Variants in MARS1 observed in about 807,000 individuals in gnomAD.
MARS1 encodes the protein methionyl-tRNA synthetase 1.
In MARS1, 80 loss-of-function variants were observed where a neutral mutation model predicts 119.5. The observed-to-expected ratio is 0.67, with a 90% CI of 0.56 to 0.81. MARS1 has a LOEUF of 0.81. MARS1 is among the 30% of genes least tolerant of loss of function. The pLI, the probability that MARS1 is intolerant of heterozygous loss-of-function variation, is 0.00. For synonymous variants in MARS1, 418 were observed against 433.4 expected (o/e 0.96, Z 0.44); for missense variants, 945 against 1,116.5 (o/e 0.85, Z 2.19).
chr12:57,503,980 A>G, intron 10 of MARS1: 1 of 534,928 alleles, frequency 1.9e-6, no homozygotes. Context: ...CTATGTTCAG[A>G]GAATGTTTTT....
At chr12:57,493,825 T>TAC (rs1876377825) in intron 7 of MARS1, among the ~76,000 whole-genome samples, 8 of 1,118 alleles carry the variant, frequency 7.2e-3, no homozygotes, top group Non-Finnish European at 0.031. Flanking sequence ...TTATATATAT[T>TAC]ATATTATATA....
chr12:57,500,597 T>C (rs1876875758), intron 10 of MARS1, 75 bp downstream of exon 10: 2 of 1,423,106 alleles, frequency 1.4e-6, no homozygotes, highest in South Asian at 2.4e-5. Flanking sequence ...CTGTCCCATT[T>C]AGGATTTTTA....
intron 7 of MARS1, among the ~76,000 whole-genome samples, chr12:57,495,763 C>T (rs1876589993): frequency 6.6e-6 from 1 of 152,220 alleles, no homozygotes; most frequent in African/African-American, 2.4e-5. Flanking sequence ...CCTCAGGAGG[C>T]CCAGGCGGGC....
Position 57,504,150 on chromosome 12 carries a change from C to T in MARS1, c.1294-75C>T, listed in dbSNP as rs1215138805. On this transcript the variant is annotated intron_variant, in intron 10 of 20. Coordinates refer to ENST00000262027, the MANE Select transcript of MARS1 (RefSeq NM_004990.4). The stretch of plus-strand genomic sequence containing the variant: ...ATGGCAGACTGAGGAGCTAATCCTT[C>T]TCTGCTCCTCCCCTTGCCTGGACCC... 7 of 982,520 alleles carry T rather than the reference C, an allele frequency of 7.1e-6. No individual in the cohort carries two copies. In the East Asian group the frequency reaches 1.4e-4, roughly 20 times the overall value. 60.9% of individuals were successfully genotyped at this position (982,520 alleles called of 1,614,324 possible).
chr12:57,513,044 G>C, intron 15 of MARS1, 80 bp downstream of exon 15: 1 of 1,223,446 alleles, frequency 8.2e-7, no homozygotes, highest in Non-Finnish European at 1.2e-6. Flanking sequence ...AATGTGGAGA[G>C]AACTAGAAAA....
In MARS1 at chr12:57,500,381, G is replaced by T. The variant is rs1876864246; in HGVS notation, c.1152G>T (p.Val384=). 1 of 1,614,226 alleles carries T rather than the reference G, an allele frequency of 6.2e-7. No individual in the cohort carries two copies. The highest frequency in any genetic ancestry group is 8.5e-7 in the Non-Finnish European group (1 of 1,180,030). Residue 384 remains valine (V), a synonymous_variant, in exon 10 of 21, where the codon GTG becomes GTT. Coordinates refer to ENST00000262027, the MANE Select transcript of MARS1 (RefSeq NM_004990.4). ...LKRGFVLQDT[V]EQLRCEHCAR... is the part of the protein sequence containing the mutation. ...GAGGTTTTGTGCTGCAAGATACTGT[G>T]GAGCAACTGCGATGTGAGCACTGTG...
Position 57,512,071 on chromosome 12 carries a change from C to G in MARS1, c.1603C>G (p.Gln535Glu). The stretch of plus-strand genomic sequence containing the variant: ...GTCCATCACAGCCAACTACACAGAC[C>G]AGTGGGAGAGATGGTGGAAGAACCC... ...YLSITANYTD[Q>E]WERWWKNPEQ... is the part of the protein sequence containing the mutation. The change falls in exon 13 of 21, where the codon CAG becomes GAG. Residue 535 changes from glutamine to glutamate, a missense_variant. Transcript: ENST00000262027. The G allele has an allele frequency of 1.2e-6, 2 of 1,614,104 alleles. No individual in the cohort carries two copies. Among genetic ancestry groups the G allele is most frequent in the South Asian group, 2.2e-5 (2 of 91,074 alleles).
chr12:57,498,378 G>C (rs778037146), intron 8 of MARS1, 42 bp from the exon 9 acceptor site: 1 of 1,601,416 alleles, frequency 6.2e-7, no homozygotes. Flanking sequence ...ACAAGGAAGC[G>C]CTGAAGCGGG....
intron 6 of MARS1, 70 bp downstream of exon 6, chr12:57,490,449 A>G: frequency 1.2e-6 from 2 of 1,610,296 alleles, no homozygotes; most frequent in South Asian, 2.2e-5. Context: ...GAGCATGGCC[A>G]CTAACTTTTT....
In MARS1 at chr12:57,516,318, T is replaced by C. The variant is rs991101354; in HGVS notation, c.2537T>C (p.Met846Thr). 6.2e-7 allele frequency: 1 copy of C among 1,614,146 alleles called. No homozygotes were observed. The highest frequency in any genetic ancestry group is 8.5e-7 in the Non-Finnish European group (1 of 1,180,008). The change falls in exon 20 of 21, where the codon ATG (methionine) becomes ACG (threonine). Residue 846 changes from methionine to threonine, a missense_variant. Coordinates refer to ENST00000262027, the MANE Select transcript of MARS1 (RefSeq NM_004990.4). ...TAKPQQIQALMDEVTKQGNIV... is the reference protein window; with the variant it reads ...TAKPQQIQALTDEVTKQGNIV... The stretch of plus-strand genomic sequence containing the variant: ...AAGCCACAGCAGATACAAGCGCTGA[T>C]GGATGAAGTGACAAAACAAGTATGA...
At chr12:57,508,717 A>AGAGGGTAGAGGGTC (rs1877366964) in intron 11 of MARS1, among the ~76,000 whole-genome samples, 1 of 151,590 alleles carries the variant, frequency 6.6e-6, no homozygotes, top group East Asian at 1.9e-4. Context: ...GGTAGAGGGT[A>AGAGGGTAGAGGGTC]GAGGGAGAGC....
intron 7 of MARS1, 27 bp from the exon 8 acceptor site, chr12:57,498,130 A>T (rs1876727769): frequency 6.8e-7 from 1 of 1,478,862 alleles, no homozygotes; most frequent in African/African-American, 1.4e-5. Context: ...CCCCCCATGC[A>T]CTGTTCTCTT....
intron 7 of MARS1, among the ~76,000 whole-genome samples, chr12:57,495,905 C>T (rs967950614): frequency 2.0e-5 from 3 of 152,200 alleles, no homozygotes; most frequent in African/African-American, 4.8e-5. Context: ...CAGGCTGAGG[C>T]AGGAGAATCA....
intron 9 of MARS1, among the ~76,000 whole-genome samples, chr12:57,499,494 C>T (rs2140018482): frequency 6.6e-6 from 1 of 150,702 alleles, no homozygotes; most frequent in East Asian, 1.9e-4. Flanking sequence ...GTCCCAGCTA[C>T]TCTGGAGGCT....
chr12:57,507,166 G>C (rs982209159), intron 11 of MARS1, among the ~76,000 whole-genome samples: 1 of 152,012 alleles, frequency 6.6e-6, no homozygotes, highest in Non-Finnish European at 1.5e-5. Context: ...ACAGGGTTGG[G>C]GGTAAGGTTA....
At chr12:57,515,555 T>G (rs1877761538) in intron 18 of MARS1, 1 of 591,422 alleles carries the variant, frequency 1.7e-6, no homozygotes, top group African/African-American at 1.9e-5. Context: ...CAAAACTAAC[T>G]GGTAAACAGA....
chr12:57,493,404 G>A (rs1164375922), intron 7 of MARS1, among the ~76,000 whole-genome samples: 2 of 816 alleles, frequency 2.5e-3, no homozygotes, highest in Non-Finnish European at 9.6e-3. Context: ...TATAATATAT[G>A]TTATATAATA....
intron 1 of MARS1, 39 bp downstream of exon 1, chr12:57,488,238 C>T: frequency 1.3e-6 from 2 of 1,569,658 alleles, no homozygotes; most frequent in Non-Finnish European, 8.7e-7. Flanking sequence ...GATGGGGGGG[C>T]GGGACCGAAA....
intron 7 of MARS1, among the ~76,000 whole-genome samples, chr12:57,491,168 G>A (rs1056434470): frequency 2.0e-5 from 3 of 151,532 alleles, no homozygotes; most frequent in Admixed American, 1.3e-4. Flanking sequence ...CCACTGTGCC[G>A]GCCCTGCACC....
Sources: allele counts gnomAD v4.1 joint callset (sites outside exome capture counted in the v4.1 genomes callset), GRCh38; gene constraint gnomAD v4.1.1; transcripts MANE v1.5; gene names NCBI Gene and HGNC (gene_info 2026-07-23, HGNC 2026-07-21).